METTL21C: variants seen among roughly 807,000 people sequenced by gnomAD.
The protein encoded by METTL21C is methyltransferase 21C, AARS1 lysine.
METTL21C carries 21 observed loss-of-function variants against 25.9 expected under a neutral mutation model. That is an observed-to-expected ratio of 0.81 (90% confidence interval 0.58 to 1.17). The LOEUF (loss-of-function observed/expected upper bound fraction) is 1.17, where lower values mean the gene tolerates loss of function less well. Among genes scored for constraint, METTL21C ranks in the 50% most tolerant of loss-of-function variants. The pLI, the probability that METTL21C is intolerant of heterozygous loss-of-function variation, is 0.00. For missense variants in METTL21C, 312 were observed against 315.1 expected, an observed-to-expected ratio of 0.99 and a Z score of 0.07; for synonymous variants, 125 against 124.7, an observed-to-expected ratio of 1.00 and a Z score of -0.01.
upstream of METTL21C, among the ~76,000 whole-genome samples, chr13:102,697,414 G>A (rs1221858442): frequency 6.6e-6 from 1 of 152,086 alleles, no homozygotes; most frequent in Admixed American, 6.6e-5. Context: ...CAATGCACAG[G>A]ACAGCCCCGC....
intron 3 of METTL21C, 52 bp from the exon 4 acceptor site, chr13:102,686,477 A>G: frequency 1.3e-6 from 2 of 1,538,090 alleles, no homozygotes; most frequent in Non-Finnish European, 1.7e-6. Flanking sequence ...GTCACAGTGT[A>G]CATATACCCA....
At chr13:102,692,265 C>A (rs538255175) in intron 1 of METTL21C, among the ~76,000 whole-genome samples, 9 of 150,746 alleles carry the variant, frequency 6.0e-5, no homozygotes, top group African/African-American at 2.2e-4. Flanking sequence ...TTGGGAGAAA[C>A]CTGGTCAGCA....
chr13:102,699,702 A>C (rs1341352046), upstream of METTL21C, among the ~76,000 whole-genome samples: 1 of 152,192 alleles, frequency 6.6e-6, no homozygotes, highest in Non-Finnish European at 1.5e-5. Context: ...GTCAAAGTGA[A>C]ATCATGCAAT....
the METTL21C span, among the ~76,000 whole-genome samples, chr13:102,700,099 A>G: frequency 6.6e-6 from 1 of 152,240 alleles, no homozygotes; most frequent in Non-Finnish European, 1.5e-5. Flanking sequence ...ATCTTAGATG[A>G]CCAACATTAC....
Position 102,690,683 on chromosome 13 carries a change from G to A in METTL21C, c.282+130C>T, listed in dbSNP as rs1398863560. 35 of 1,037,900 alleles carry A rather than the reference G, an allele frequency of 3.4e-5. 1 individual carries two copies. The Admixed American group carries it at 9.6e-4, about 28-fold the overall frequency. The allele number at this position is 1,037,900 out of a possible 1,614,324, so 64.3% of individuals were successfully genotyped here. A position where few individuals can be genotyped will look rare whatever the true frequency, so the allele number is the denominator to read the frequency against. ...AAGCACTCCACCAACACCCTCCAGG[G>A]GGCAAGCAACTGAACCTCAAATTGA... On this transcript the variant is annotated intron_variant, in intron 2 of 3. Transcript: ENST00000267273.
upstream of METTL21C, among the ~76,000 whole-genome samples, chr13:102,699,844 G>A (rs1886005805): frequency 6.6e-6 from 1 of 152,324 alleles, no homozygotes; most frequent in South Asian, 2.1e-4. Context: ...TTCTGGGGGA[G>A]TCCCCTGAGA....
chr13:102,694,852 C>G lies in METTL21C; in HGVS notation c.-354G>C, dbSNP rs1382282086. 2.7e-5 allele frequency among the ~76,000 whole-genome samples: 4 copies of G among 149,764 alleles called. No homozygotes were observed. The highest frequency in any genetic ancestry group is 9.9e-5 in the African/African-American group (4 of 40,264). On this transcript the variant is annotated 5_prime_UTR_variant, in exon 1 of 4. Coordinates refer to ENST00000267273, the MANE Select transcript of METTL21C (RefSeq NM_001010977.3). ...TCTACCAGTCCTCATAGACACATTA[C>G]TTTGCTAGAATTCTCTCTCTTTCTC...
At chr13:102,703,693 T>C in the METTL21C span, among the ~76,000 whole-genome samples, 3 of 152,222 alleles carry the variant, frequency 2.0e-5, no homozygotes, top group African/African-American at 4.8e-5. Flanking sequence ...GAGATGGGGC[T>C]TGTGAAAATA....
At chr13:102,686,487 A>G (rs1241919731) in intron 3 of METTL21C, 62 bp from the exon 4 acceptor site, 3 of 1,516,740 alleles carry the variant, frequency 2.0e-6, no homozygotes, top group Admixed American at 2.2e-5. Context: ...ACATATACCC[A>G]GGGAGAAACA....
chr13:102,701,531 C>G, the METTL21C span, among the ~76,000 whole-genome samples: 1 of 152,174 alleles, frequency 6.6e-6, no homozygotes, highest in Admixed American at 6.5e-5. Flanking sequence ...TCTTATATGA[C>G]CAAGACAAAC....
chr13:102,697,729 G>A (rs1010433837), upstream of METTL21C, among the ~76,000 whole-genome samples: 1 of 134,888 alleles, frequency 7.4e-6, no homozygotes, highest in Non-Finnish European at 1.7e-5. Flanking sequence ...AGACTCCAAG[G>A]CAGGGATTTG....
Position 102,690,747 on chromosome 13 carries a change from C to T in METTL21C, c.282+66G>A, listed in dbSNP as rs1007873567. The T allele has an allele frequency of 1.0e-5, 16 of 1,560,472 alleles. No homozygotes were observed. The African/African-American group carries it at 2.0e-4, about 20-fold the overall frequency. Reference sequence around the variant, plus strand: ...AAGGAACTTGACAAATTGTCCAAGGCAACTCTGAAGTACGGAATTGTTATC... The same window carrying T: ...AAGGAACTTGACAAATTGTCCAAGGTAACTCTGAAGTACGGAATTGTTATC... On this transcript the variant is annotated intron_variant, in intron 2 of 3. Coordinates refer to ENST00000267273, the MANE Select transcript of METTL21C (RefSeq NM_001010977.3).
rs1368494045 is a variant in METTL21C at position 102,686,203 on chromosome 13, G to A, written c.623C>T (p.Thr208Ile). 1 of 1,614,112 alleles carries A rather than the reference G, an allele frequency of 6.2e-7. No individual in the cohort carries two copies. Among genetic ancestry groups the A allele is most frequent in the Admixed American group, 1.7e-5 (1 of 60,012 alleles). The change falls in exon 4 of 4, where the codon ACC (threonine) becomes ATC (isoleucine). Residue 208 changes from threonine (T) to isoleucine (I), a missense_variant. Coordinates refer to ENST00000267273, the MANE Select transcript of METTL21C (RefSeq NM_001010977.3). ...CCCTGGCTGGGAAAGGTACACCATG[G>A]TGGTGAGCAGCTTGTCCAGGAAGTA... ...HHYFLDKLLTTMVYLSQPGTV... is the reference protein window; with the variant it reads ...HHYFLDKLLTIMVYLSQPGTV...
chr13:102,694,719 G>A lies in METTL21C; in HGVS notation c.-221C>T, dbSNP rs932767481. Among the ~76,000 whole-genome samples, 1 of 151,820 alleles carries A rather than the reference G, an allele frequency of 6.6e-6. No homozygotes were observed. Among genetic ancestry groups the A allele is most frequent in the African/African-American group, 2.4e-5 (1 of 41,328 alleles). On this transcript the variant is annotated 5_prime_UTR_variant, in exon 1 of 4. Transcript: ENST00000267273. ...GCAGCAGAAGAGATGTGAGGCTTCTGTGCACTCTTTAATCCCCAGTGTTTT... is the reference window on the plus strand; with the variant it reads ...GCAGCAGAAGAGATGTGAGGCTTCTATGCACTCTTTAATCCCCAGTGTTTT...
chr13:102,697,775 C>T (rs1885969831), upstream of METTL21C, among the ~76,000 whole-genome samples: 1 of 152,136 alleles, frequency 6.6e-6, no homozygotes, highest in South Asian at 2.1e-4. Context: ...GTGAATAACA[C>T]AGCAAGGAAA....
chr13:102,697,050 C>T (rs1344794898), upstream of METTL21C, among the ~76,000 whole-genome samples: 3 of 152,106 alleles, frequency 2.0e-5, no homozygotes, highest in East Asian at 1.9e-4. Flanking sequence ...TACTGGGAAG[C>T]AGATTTGGGC....
upstream of METTL21C, among the ~76,000 whole-genome samples, chr13:102,698,585 A>G (rs1885984232): frequency 6.6e-6 from 1 of 152,072 alleles, no homozygotes; most frequent in South Asian, 2.1e-4. Context: ...CTGACTCACC[A>G]AAGCACACAG....
At chr13:102,699,191 C>T (rs1181545371), upstream of METTL21C, among the ~76,000 whole-genome samples, 1 of 152,182 alleles carries the variant, frequency 6.6e-6, no homozygotes, top group Non-Finnish European at 1.5e-5. Context: ...TGCATACATA[C>T]TTCCTTATTT....
rs777158294 is a variant in METTL21C, at chr13:102,690,881, G to T, written c.214C>A (p.Arg72=). 6.2e-7 allele frequency: 1 copy of T among 1,614,134 alleles called. No individual in the cohort carries two copies. Among genetic ancestry groups the T allele is most frequent in the African/African-American group, 1.3e-5 (1 of 75,038 alleles). ...DYASYTQEHY[R]FAGKEIVIQE... is the part of the protein sequence containing the mutation. ...ATGACAATCTCCTTTCCTGCAAACC[G>T]ATAATGCTCCTGAGTGTAGCTGGCG... The change falls in exon 2 of 4, where the codon CGG becomes AGG. Residue 72 remains arginine (R), a synonymous_variant. Coordinates refer to ENST00000267273, the MANE Select transcript of METTL21C (RefSeq NM_001010977.3).
Sources: allele counts gnomAD v4.1 joint callset (sites outside exome capture counted in the v4.1 genomes callset), GRCh38; gene constraint gnomAD v4.1.1; transcripts MANE v1.5; gene names NCBI Gene and HGNC (gene_info 2026-07-23, HGNC 2026-07-21).